The following NEDD8 variants were observed in gnomAD, a reference collection of about 807,000 sequenced individuals.
NEDD8 encodes ubiquitin-like protein NEDD8.
NEDD8 carries 1 observed loss-of-function variant against 13.8 expected under a neutral mutation model. The ratio of observed to expected loss-of-function variants is 0.07; its 90% CI spans 0.03 to 0.34. NEDD8 has a LOEUF of 0.34. Among genes scored for constraint, NEDD8 ranks in the 10% least tolerant of loss-of-function variants. The pLI, the probability that NEDD8 is intolerant of heterozygous loss-of-function variation, is 0.99. For missense variants in NEDD8, 10 were observed against 95.2 expected (o/e 0.10, Z 3.73); for synonymous variants, 31 against 33.2 (o/e 0.93, Z 0.23).
chr14:24,229,802 G>A (rs1338175487), intron 1 of NEDD8, among the ~76,000 whole-genome samples: 3 of 152,168 alleles, frequency 2.0e-5, no homozygotes, highest in African/African-American at 4.8e-5. Flanking sequence ...CAGGCCGGGC[G>A]CGGTGGCTCA....
At chr14:24,227,035 G>T (rs2039901537) in intron 1 of NEDD8, 1 of 152,154 alleles carries the variant, frequency 6.6e-6, no homozygotes, top group African/African-American at 2.4e-5. Flanking sequence ...GATTACAGTA[G>T]ACATTATGCA....
At chr14:24,232,087 C>T in intron 1 of NEDD8, 163 bp downstream of exon 1, 1 of 1,140,226 alleles carries the variant, frequency 8.8e-7, no homozygotes, top group Non-Finnish European at 1.2e-6. Flanking sequence ...TCTCAAAGCC[C>T]TTCTGGGTCC....
At chr14:24,229,196 A>G (rs2039948420) in intron 1 of NEDD8, among the ~76,000 whole-genome samples, 1 of 152,122 alleles carries the variant, frequency 6.6e-6, no homozygotes, top group Non-Finnish European at 1.5e-5. Flanking sequence ...CACACACAGC[A>G]TTGATTTTTT....
In NEDD8 at chr14:24,217,210, T is replaced by C. The variant is rs746419539; in HGVS notation, c.163A>G (p.Thr55Ala). The C allele has an allele frequency of 6.2e-7, 1 of 1,612,704 alleles. No individual in the cohort carries two copies. Among genetic ancestry groups the C allele is most frequent in the Non-Finnish European group, 8.5e-7 (1 of 1,179,444 alleles). The change falls in exon 4 of 4, where the codon ACA becomes GCA. Residue 55 changes from threonine (T) to alanine (A), a missense_variant. By Grantham distance (58) the Thr-to-Ala change is moderately conservative. Transcript: ENST00000250495. The stretch of plus-strand genomic sequence containing the variant: ...CCTAAAATCTTGTAATCAGCTGCTG[T>C]CTTCTCATCATTCCTGCAGGAAAAG... ...YSGKQMNDEKTAADYKILGGS... is the reference protein window; with the variant it reads ...YSGKQMNDEKAAADYKILGGS...
intron 1 of NEDD8, among the ~76,000 whole-genome samples, chr14:24,220,485 C>T: frequency 6.6e-6 from 1 of 152,188 alleles, no homozygotes; most frequent in East Asian, 1.9e-4. Context: ...CCACCACACT[C>T]AGCTATTTTT....
At chr14:24,217,296 T>C in intron 3 of NEDD8, 73 bp from the exon 4 acceptor site, 1 of 1,316,546 alleles carries the variant, frequency 7.6e-7, no homozygotes, top group African/African-American at 1.5e-5. Context: ...GTTGTTGTTG[T>C]TGTTGTTGTT....
chr14:24,227,345 T>G (rs181197979), intron 1 of NEDD8: 4 of 152,236 alleles, frequency 2.6e-5, no homozygotes, highest in African/African-American at 9.6e-5. Flanking sequence ...GGGAGTAATA[T>G]AATGAAAAAG....
In NEDD8 at chr14:24,218,223, G is replaced by A. The variant is rs941553691; in HGVS notation, c.67-8C>T. The A allele has an allele frequency of 8.1e-6, 13 of 1,614,192 alleles. No individual in the cohort carries two copies. Among genetic ancestry groups the A allele is most frequent in the African/African-American group, 2.7e-5 (2 of 75,046 alleles). ...CTCCTTGATTCGCTCCACCTTTAGAGAGACAAGTAGTCAGGGGCTGCTGCT... is the reference window on the plus strand; with the variant it reads ...CTCCTTGATTCGCTCCACCTTTAGAAAGACAAGTAGTCAGGGGCTGCTGCT... On this transcript the variant is annotated splice_polypyrimidine_tract_variant and splice_region_variant and intron_variant, in intron 2 of 3. Transcript: ENST00000250495.
intron 1 of NEDD8, chr14:24,218,669 T>C (rs774031426): frequency 3.4e-6 from 2 of 589,410 alleles, no homozygotes; most frequent in East Asian, 2.8e-5. Context: ...CTTAATTCCA[T>C]GAGTCATCTT....
intron 1 of NEDD8, among the ~76,000 whole-genome samples, chr14:24,224,648 A>C (rs1878646425): frequency 2.0e-5 from 3 of 152,250 alleles, no homozygotes; most frequent in Admixed American, 2.0e-4. Flanking sequence ...TATATGAAGC[A>C]ACAAGAATAT....
At chr14:24,219,321 A>C (rs2039760120) in intron 1 of NEDD8, among the ~76,000 whole-genome samples, 1 of 151,206 alleles carries the variant, frequency 6.6e-6, no homozygotes, top group South Asian at 2.1e-4. Context: ...AACAACAACA[A>C]CAACAACAAA....
intron 1 of NEDD8, among the ~76,000 whole-genome samples, chr14:24,220,515 G>A (rs1282382951): frequency 6.6e-6 from 1 of 152,028 alleles, no homozygotes; most frequent in African/African-American, 2.4e-5. Context: ...TTGTAGAGAC[G>A]AGTTCTGTGT....
At chr14:24,224,610 T>C (rs1267772054) in intron 1 of NEDD8, among the ~76,000 whole-genome samples, 1 of 152,240 alleles carries the variant, frequency 6.6e-6, no homozygotes, top group Non-Finnish European at 1.5e-5. Context: ...GGCTACCATT[T>C]TGGACACTGT....
chr14:24,230,658 G>C (rs1026720691), intron 1 of NEDD8, among the ~76,000 whole-genome samples: 1 of 136,988 alleles, frequency 7.3e-6, no homozygotes, highest in Admixed American at 7.7e-5. Context: ...CACTCTTGTC[G>C]CCCAGGCTGG....
chr14:24,218,298 T>A (rs1048972628), intron 2 of NEDD8, 83 bp from the exon 3 acceptor site: 4 of 1,613,756 alleles, frequency 2.5e-6, no homozygotes, highest in Non-Finnish European at 3.4e-6. Context: ...GCAGACAGCA[T>A]GAGAGCAAAA....
chr14:24,230,218 CA>C (rs560583502), intron 1 of NEDD8, among the ~76,000 whole-genome samples: 75 of 73,838 alleles, frequency 1.0e-3, no homozygotes, highest in Non-Finnish European at 1.3e-3. Context: ...GACTCTGTCT[CA>C]AAAAAAAAAA....
intron 1 of NEDD8, among the ~76,000 whole-genome samples, chr14:24,218,992 C>T (rs570454099): frequency 6.1e-4 from 93 of 152,094 alleles, no homozygotes; most frequent in African/African-American, 2.0e-3. Context: ...GTGATCCACC[C>T]GCCTCAGCCT....
At chr14:24,223,103 A>AAAAC (rs2039834389) in intron 1 of NEDD8, among the ~76,000 whole-genome samples, 1 of 149,502 alleles carries the variant, frequency 6.7e-6, no homozygotes, top group African/African-American at 2.5e-5. Flanking sequence ...AAAAAAAAAA[A>AAAAC]AAAAATAGAG....
At chr14:24,231,875 T>G in intron 1 of NEDD8, 1 of 233,718 alleles carries the variant, frequency 4.3e-6, no homozygotes. Context: ...ACCCTGGGAA[T>G]GAAGAATGGA....
Sources: gnomAD v4.1 joint callset for allele counts (sites outside exome capture counted in the v4.1 genomes callset) on GRCh38, gnomAD v4.1.1 for gene constraint, MANE v1.5 for transcripts, NCBI Gene and HGNC (gene_info 2026-07-23, HGNC 2026-07-21) for gene names.